Variants in CHD8 observed in about 807,000 individuals in gnomAD.
CHD8 encodes chromodomain helicase DNA binding protein 8, also known as ATP-dependent chromatin remodeler CHD8.
In CHD8, 31 loss-of-function variants were observed where a neutral mutation model predicts 279.2. That is an observed-to-expected ratio of 0.11 (90% CI 0.08 to 0.15). The LOEUF (loss-of-function observed/expected upper bound fraction) is 0.15, where lower values mean the gene tolerates loss of function less well. Ranked by LOEUF, CHD8 falls within the 10% of genes least tolerant of loss-of-function variation. The pLI is 1.00. For missense variants in CHD8, 2,146 were observed against 3,230.5 expected (o/e 0.66, Z 8.14); for synonymous variants, 1,081 against 1,139.6 (o/e 0.95, Z 1.04).
chr14:21,437,715 T>A (rs1889846550), intron 1 of CHD8, among the ~76,000 whole-genome samples: 4 of 152,278 alleles, frequency 2.6e-5, no homozygotes, highest in African/African-American at 9.6e-5. Flanking sequence ...CTTCCCTCCA[T>A]CGTGGGAGTC....
intron 1 of CHD8, among the ~76,000 whole-genome samples, chr14:21,434,000 C>T (rs541609511): frequency 1.3e-5 from 2 of 149,120 alleles, no homozygotes; most frequent in Admixed American, 1.3e-4. Flanking sequence ...GTTAAAGTAT[C>T]TACAGCTAGG....
At chr14:21,454,204 A>AAAGAAAAGAAAAGAT in intron 1 of CHD8, among the ~76,000 whole-genome samples, 1 of 146,368 alleles carries the variant, frequency 6.8e-6, no homozygotes, top group African/African-American at 2.6e-5. Context: ...AAAGAAAAGA[A>AAAGAAAAGAAAAGAT]AAGAAAAGAA....
intron 27 of CHD8, chr14:21,396,747 T>C (rs1053183934): frequency 6.6e-6 from 1 of 152,140 alleles, no homozygotes; most frequent in Non-Finnish European, 1.5e-5. Context: ...CTAATTTTTT[T>C]TGTATTTTTA....
chr14:21,408,223 A>G lies in CHD8; in HGVS notation c.2730+89T>C. ...TAGGCATATTGAAGACTTTCAATAA[A>G]AGTCTTCTATTCATATATAGCCCTT... On this transcript the variant is annotated intron_variant, in intron 13 of 37. Coordinates refer to ENST00000646647, the MANE Select transcript of CHD8 (RefSeq NM_001170629.2). This position sits in a 1 kb window ranked among gnomAD's most constrained non-coding sequence, Gnocchi z 4.3. The G allele has an allele frequency of 6.8e-7, 1 of 1,465,822 alleles. No individual in the cohort carries two copies. Among genetic ancestry groups the G allele is most frequent in the Non-Finnish European group, 9.2e-7 (1 of 1,090,424 alleles). The allele number at this position is 1,465,822 out of a possible 1,614,324, so 90.8% of individuals were successfully genotyped here.
chr14:21,452,738 C>T (rs545027533), intron 1 of CHD8, among the ~76,000 whole-genome samples: 9 of 151,720 alleles, frequency 5.9e-5, no homozygotes, highest in Admixed American at 6.6e-5. Flanking sequence ...GTAATCCCAG[C>T]GATTTGGGTG....
At chr14:21,412,815 A>G in intron 10 of CHD8, 98 bp downstream of exon 10, 2 of 752,012 alleles carry the variant, frequency 2.7e-6, no homozygotes, top group Non-Finnish European at 4.8e-6. Flanking sequence ...TTTCAGTCCA[A>G]GGGATTCTGC....
At position 21,454,355 on chromosome 14, in the gene CHD8, T is replaced by A. The variant is rs145550316; in HGVS notation, c.-216+1677A>T. On this transcript the variant is annotated intron_variant, in intron 1 of 37. Coordinates refer to ENST00000646647, the MANE Select transcript of CHD8 (RefSeq NM_001170629.2). ...ACTCCTTTGCTATCCTCTGGCTGTG[T>A]CGCCCAGGCCGGAATGCAGGGGCAC... is the stretch of plus-strand genomic sequence containing the variant. 4.2e-3 allele frequency among the ~76,000 whole-genome samples: 637 copies of A among 152,248 alleles called. 4 individuals carry two copies. Among genetic ancestry groups the A allele is most frequent in the African/African-American group, 0.014 (600 of 41,552 alleles).
In CHD8 at chr14:21,408,160, G is replaced by A. The variant is rs1323586680; in HGVS notation, c.2730+152C>T. Among the ~76,000 whole-genome samples, 1 of 152,048 alleles carries A rather than the reference G, an allele frequency of 6.6e-6. No homozygotes were observed. The highest frequency in any genetic ancestry group is 2.4e-5 in the African/African-American group (1 of 41,376). ...AAGTCAAAAAAATGCCCTGCACACT[G>A]CTATACAAAAATGCCTTAAACCATA... On this transcript the variant is annotated intron_variant, in intron 13 of 37. Transcript: ENST00000646647. The surrounding 1 kb of genome is among the most constrained non-coding windows in gnomAD (Gnocchi z 4.3).
At chr14:21,401,341 TAA>T in intron 21 of CHD8, 60 bp downstream of exon 21, 1 of 996,898 alleles carries the variant, frequency 1.0e-6, no homozygotes, top group South Asian at 1.6e-5. Flanking sequence ...AGAGTAGCTG[TAA>T]AGACTCCCGA....
rs748763713 is a variant in CHD8 at position 21,429,105 on chromosome 14, T to C, written c.1074A>G (p.Pro358=). ...GCTGCTGGGGCTGTGGCTGCGATGA[T>C]GGTGGTTGTGGTACAATCTGGATTT... ...QQKIQIVPQP[P]SSQPQPQQPP... is the part of the protein sequence containing the mutation. Residue 358 remains proline (P), a synonymous_variant, in exon 3 of 38, where the codon CCA becomes CCG. Coordinates refer to ENST00000646647, the MANE Select transcript of CHD8 (RefSeq NM_001170629.2). The C allele has an allele frequency of 6.2e-7, 1 of 1,613,950 alleles. No homozygotes were observed. Among genetic ancestry groups the C allele is most frequent in the South Asian group, 1.1e-5 (1 of 91,078 alleles).
intron 26 of CHD8, chr14:21,398,345 T>C (rs1887880004): frequency 6.5e-6 from 1 of 153,092 alleles, no homozygotes; most frequent in Admixed American, 6.5e-5. Context: ...GTTCACGCCA[T>C]TCTCCTGCCT....
intron 5 of CHD8, among the ~76,000 whole-genome samples, chr14:21,420,681 T>A (rs968239761): frequency 1.3e-5 from 2 of 151,932 alleles, no homozygotes; most frequent in African/African-American, 4.8e-5. Flanking sequence ...AGAAGTAGAG[T>A]GTTCATGAAA....
At chr14:21,448,530 AAG>A (rs1320555363) in intron 1 of CHD8, among the ~76,000 whole-genome samples, 1 of 152,144 alleles carries the variant, frequency 6.6e-6, no homozygotes, top group Non-Finnish European at 1.5e-5. Context: ...GCTGTGGTCA[AAG>A]ACAGTTTGCA....
chr14:21,400,836 G>A lies in CHD8; in HGVS notation c.4370+39C>T, dbSNP rs180736864. ...CAAGAGTATCTATCAGGATGGAGATGCACTATGCACTACCTCTAATGGTAA... is the reference window on the plus strand; with the variant it reads ...CAAGAGTATCTATCAGGATGGAGATACACTATGCACTACCTCTAATGGTAA... On this transcript the variant is annotated intron_variant, in intron 22 of 37. Coordinates refer to ENST00000646647, the MANE Select transcript of CHD8 (RefSeq NM_001170629.2). This position sits in a 1 kb window ranked among gnomAD's most constrained non-coding sequence, Gnocchi z 4.2. The A allele has an allele frequency of 1.3e-5, 20 of 1,531,666 alleles. No homozygotes were observed. The highest frequency in any genetic ancestry group is 4.0e-5 in the Admixed American group (2 of 49,606). The allele number at this position is 1,531,666 out of a possible 1,614,324, so 94.9% of individuals were successfully genotyped here.
chr14:21,435,203 G>C (rs770519909), intron 1 of CHD8, among the ~76,000 whole-genome samples: 3 of 152,202 alleles, frequency 2.0e-5, no homozygotes, highest in African/African-American at 7.2e-5. Flanking sequence ...AAATCTTGGA[G>C]GGCATGTAGG....
intron 1 of CHD8, among the ~76,000 whole-genome samples, chr14:21,440,608 G>A (rs919015925): frequency 1.2e-4 from 18 of 152,296 alleles, no homozygotes; most frequent in African/African-American, 4.3e-4. Flanking sequence ...GAAGAGGGAA[G>A]GCAAAACAAA....
intron 34 of CHD8, 122 bp downstream of exon 34, chr14:21,392,385 C>G: frequency 1.0e-6 from 1 of 974,298 alleles, no homozygotes; most frequent in Non-Finnish European, 1.5e-6. Context: ...TCTTTGTAAG[C>G]TCTGTTTTCT....
Position 21,400,667 on chromosome 14 carries a change from C to A in CHD8, c.4371-55G>T. ...TTCTGAGAAATGACAGTCCCCTGTC[C>A]CTCAGAATCATGTCTCTGAAAAGGT... is the stretch of plus-strand genomic sequence containing the variant. On this transcript the variant is annotated intron_variant, in intron 22 of 37. Transcript: ENST00000646647. This position sits in a 1 kb window ranked among gnomAD's most constrained non-coding sequence, Gnocchi z 4.2. 6.9e-7 allele frequency: 1 copy of A among 1,443,210 alleles called. No individual in the cohort carries two copies. Among genetic ancestry groups the A allele is most frequent in the South Asian group, 1.4e-5 (1 of 70,322 alleles). 89.4% of individuals were successfully genotyped at this position (1,443,210 alleles called of 1,614,324 possible).
intron 26 of CHD8, 118 bp downstream of exon 26, chr14:21,399,484 A>G: frequency 1.4e-6 from 1 of 724,868 alleles, no homozygotes; most frequent in South Asian, 1.6e-5. Context: ...TTTCCTACTC[A>G]AATTTATTGA....
Sources: allele counts gnomAD v4.1 joint callset (sites outside exome capture counted in the v4.1 genomes callset), GRCh38; gene constraint gnomAD v4.1.1; non-coding constraint Gnocchi (gnomAD v3.1); transcripts MANE v1.5; gene names NCBI Gene and HGNC (gene_info 2026-07-23, HGNC 2026-07-21).